The following OLA1 variants were observed in gnomAD, a reference collection of about 807,000 sequenced individuals.
OLA1 encodes Obg like ATPase 1.
In OLA1, 14 loss-of-function variants were observed where a neutral mutation model predicts 48.4. That is an observed-to-expected ratio of 0.29 (90% CI 0.19 to 0.45). OLA1 has a LOEUF of 0.45. Ranked by LOEUF, OLA1 falls within the 20% of genes least tolerant of loss-of-function variation. The pLI, the probability that OLA1 is intolerant of heterozygous loss-of-function variation, is 1.00. For synonymous variants in OLA1, 127 were observed against 150.4 expected (o/e 0.84, Z 1.14); for missense variants, 325 against 467.1 (o/e 0.70, Z 2.80).
At chr2:174,079,174 T>C (rs912682410) in intron 9 of OLA1, 84 bp from the exon 10 acceptor site, 9 of 1,218,890 alleles carry the variant, frequency 7.4e-6, no homozygotes, top group East Asian at 5.0e-5. Context: ...TGATCTGCAG[T>C]TGGGCTCAAC....
At chr2:174,196,688 A>G (rs1305666518) in intron 4 of OLA1, among the ~76,000 whole-genome samples, 1 of 152,234 alleles carries the variant, frequency 6.6e-6, no homozygotes, top group Non-Finnish European at 1.5e-5. Context: ...ACAAGTGATG[A>G]GCACTTTGTT....
intron 4 of OLA1, among the ~76,000 whole-genome samples, chr2:174,168,377 T>C (rs1413699753): frequency 8.0e-6 from 1 of 125,112 alleles, no homozygotes; most frequent in African/African-American, 3.2e-5. Flanking sequence ...AACTGTCTAC[T>C]AATACAAAAC....
At chr2:174,211,201 ACACACTCT>A (rs1025034335) in intron 4 of OLA1, among the ~76,000 whole-genome samples, 27 of 151,320 alleles carry the variant, frequency 1.8e-4, no homozygotes, top group South Asian at 8.4e-4. Context: ...ACACACACAC[ACACACTCT>A]CTCTCTCTCT....
chr2:174,217,057 T>G (rs1688377717), intron 4 of OLA1, among the ~76,000 whole-genome samples: 1 of 152,146 alleles, frequency 6.6e-6, no homozygotes, highest in Non-Finnish European at 1.5e-5. Context: ...AACCCCAGTA[T>G]GTTCAAGGGT....
chr2:174,112,379 G>A (rs78913467), intron 7 of OLA1, among the ~76,000 whole-genome samples: 20,731 of 152,126 alleles, frequency 0.14, 1,801 homozygotes, highest in Non-Finnish European at 0.2. Flanking sequence ...AAGCTTGTTG[G>A]GAATCTTAAA....
chr2:174,101,375 A>G (rs2105352784), intron 7 of OLA1, among the ~76,000 whole-genome samples: 1 of 152,198 alleles, frequency 6.6e-6, no homozygotes, highest in Middle Eastern at 3.4e-3. Context: ...TATATTGTTC[A>G]TTTGCAGAAA....
At position 174,072,781 on chromosome 2, in the gene OLA1, T is replaced by C. The variant is rs994169064; in HGVS notation, c.*2645A>G. On this transcript the variant is annotated 3_prime_UTR_variant, in exon 11 of 11. Coordinates refer to ENST00000284719, the MANE Select transcript of OLA1 (RefSeq NM_013341.5). ...ATGAATCATGAGTAAGGGGACTTAT[T>C]CCACCAATGAAACTGGCAAGTTATA... 4 of 152,202 alleles carry C rather than the reference T, an allele frequency of 2.6e-5. No individual in the cohort carries two copies. The highest frequency in any genetic ancestry group is 7.2e-5 in the African/African-American group (3 of 41,450). The allele number at this position is 152,202 out of a possible 1,614,324, so 9.4% of individuals were successfully genotyped here.
intron 4 of OLA1, among the ~76,000 whole-genome samples, chr2:174,215,711 C>T (rs1444869795): frequency 1.3e-5 from 2 of 152,070 alleles, no homozygotes; most frequent in Non-Finnish European, 2.9e-5. Flanking sequence ...TACATGGAAC[C>T]ATTCACATTT....
chr2:174,127,688 C>T (rs1686074303), intron 5 of OLA1, among the ~76,000 whole-genome samples: 1 of 152,076 alleles, frequency 6.6e-6, no homozygotes, highest in African/African-American at 2.4e-5. Flanking sequence ...AATCCAAGAA[C>T]CATGGCTATT....
Position 174,148,843 on chromosome 2 carries a change from C to T in OLA1, c.374-6843G>A, listed in dbSNP as rs537319832. ...TCTCTGTGCTGGATATTAGCCCCTCCCAAGGAAGTTTGCACCATAGATTGT... is the reference window on the plus strand; with the variant it reads ...TCTCTGTGCTGGATATTAGCCCCTCTCAAGGAAGTTTGCACCATAGATTGT... On this transcript the variant is annotated intron_variant, in intron 4 of 10. Coordinates refer to ENST00000284719, the MANE Select transcript of OLA1 (RefSeq NM_013341.5). Among the ~76,000 whole-genome samples, 77 of 152,278 alleles carry T rather than the reference C, an allele frequency of 5.1e-4. 1 individual carries two copies. Among genetic ancestry groups the T allele is most frequent in the Non-Finnish European group, 8.1e-4 (55 of 68,022 alleles).
intron 5 of OLA1, among the ~76,000 whole-genome samples, chr2:174,139,538 C>A (rs1163883784): frequency 6.6e-6 from 1 of 152,150 alleles, no homozygotes; most frequent in South Asian, 2.1e-4. Context: ...TATTTAGTGC[C>A]TGGGTTTTAC....
intron 7 of OLA1, among the ~76,000 whole-genome samples, chr2:174,120,447 A>G (rs2105365863): frequency 6.6e-6 from 1 of 152,306 alleles, no homozygotes; most frequent in South Asian, 2.1e-4. Context: ...AGAAACAGCA[A>G]TTTGTAATAA....
At chr2:174,093,192 T>C (rs1454271484) in intron 7 of OLA1, among the ~76,000 whole-genome samples, 1 of 152,240 alleles carries the variant, frequency 6.6e-6, no homozygotes, top group Non-Finnish European at 1.5e-5. Flanking sequence ...CTCACGCCTG[T>C]AATCCCAGCA....
At chr2:174,140,596 G>C (rs1344579425) in intron 5 of OLA1, among the ~76,000 whole-genome samples, 1 of 152,058 alleles carries the variant, frequency 6.6e-6, no homozygotes, top group African/African-American at 2.4e-5. Flanking sequence ...TCAATCTCCT[G>C]ATCTCAGGCG....
At chr2:174,222,946 T>C in intron 4 of OLA1, 87 bp downstream of exon 4, 1 of 1,347,954 alleles carries the variant, frequency 7.4e-7, no homozygotes, top group South Asian at 1.5e-5. Flanking sequence ...AATCTTCCAT[T>C]AGTCATTTCT....
At chr2:174,123,825 T>C in intron 5 of OLA1, 150 bp from the exon 6 acceptor site, 1 of 409,746 alleles carries the variant, frequency 2.4e-6, no homozygotes. Context: ...CAATATCTCA[T>C]TTAAAAACCA....
chr2:174,173,796 T>G (rs1339280341), intron 4 of OLA1, among the ~76,000 whole-genome samples: 2 of 151,952 alleles, frequency 1.3e-5, no homozygotes, highest in Admixed American at 6.5e-5. Context: ...CACTTCATTC[T>G]AACATCACAA....
At chr2:174,091,485 A>C (rs1198381160) in intron 7 of OLA1, among the ~76,000 whole-genome samples, 1 of 152,210 alleles carries the variant, frequency 6.6e-6, no homozygotes, top group African/African-American at 2.4e-5. Context: ...TTCAGATGGA[A>C]AATTCTGTAA....
chr2:174,165,013 G>A (rs1055120528), intron 4 of OLA1, among the ~76,000 whole-genome samples: 7 of 152,192 alleles, frequency 4.6e-5, no homozygotes, highest in African/African-American at 1.7e-4. Context: ...TGGCCAAAAG[G>A]TAGAGTAGAG....
Sources: allele counts gnomAD v4.1 joint callset (sites outside exome capture counted in the v4.1 genomes callset), GRCh38; gene constraint gnomAD v4.1.1; transcripts MANE v1.5; gene names NCBI Gene and HGNC (gene_info 2026-07-23, HGNC 2026-07-21).